Variants in GOSR1 observed in about 807,000 individuals in gnomAD.
GOSR1 encodes golgi SNAP receptor complex member 1, also known as 28 kDa Golgi SNARE protein.
Under a neutral mutation model 35.5 loss-of-function variants are expected in GOSR1, and 21 were observed. The ratio of observed to expected loss-of-function variants is 0.59; its 90% CI spans 0.42 to 0.85. GOSR1 has a LOEUF of 0.85. Ranked by LOEUF, GOSR1 falls within the 40% of genes least tolerant of loss-of-function variation. GOSR1 has a pLI of 0.00. For synonymous variants in GOSR1, 94 were observed against 106.6 expected (o/e 0.88, Z 0.73); for missense variants, 285 against 309.6 (o/e 0.92, Z 0.60).
At chr17:30,482,391 G>A (rs1297525459) in intron 2 of GOSR1, among the ~76,000 whole-genome samples, 1 of 152,164 alleles carries the variant, frequency 6.6e-6, no homozygotes, top group Admixed American at 6.5e-5. Context: ...TGACATAAGA[G>A]TGTTCATTAT....
intron 7 of GOSR1, among the ~76,000 whole-genome samples, chr17:30,514,840 A>G (rs1325292738): frequency 6.6e-6 from 1 of 152,070 alleles, no homozygotes; most frequent in South Asian, 2.1e-4. Flanking sequence ...TCTCCTTCCA[A>G]TTCTTCTATT....
intron 8 of GOSR1, 31 bp downstream of exon 8, chr17:30,520,052 T>C: frequency 7.1e-7 from 1 of 1,408,592 alleles, no homozygotes; most frequent in Non-Finnish European, 1.0e-6. Flanking sequence ...CAGTCTGTGT[T>C]TTGAGGGTAG....
rs189832220 is a variant in GOSR1, at chr17:30,508,323, A to G, written c.510-2557A>G. Among the ~76,000 whole-genome samples, 357 of 152,266 alleles carry G rather than the reference A, an allele frequency of 2.3e-3. 3 individuals are homozygous for G. The highest frequency in any genetic ancestry group is 2.4e-4 in the Non-Finnish European group (16 of 68,022). ...TAGTTTGTTGATTTGGGCAATATAA[A>G]TCTTTATGTTCATATTATACTTCCT... On this transcript the variant is annotated intron_variant, in intron 6 of 8. Coordinates refer to ENST00000451249, the MANE Select transcript of GOSR1 (RefSeq NM_001007025.2).
rs575506107 is a variant in GOSR1 at position 30,514,034 on chromosome 17, C to A, written c.539+3125C>A. Among the ~76,000 whole-genome samples, 376 of 152,332 alleles carry A rather than the reference C, an allele frequency of 2.5e-3. 1 individual carries two copies. Among genetic ancestry groups the A allele is most frequent in the African/African-American group, 8.7e-3 (362 of 41,574 alleles). The stretch of plus-strand genomic sequence containing the variant: ...TATACAAGACCATAGTATCTACTTG[C>A]AATACCTTGTAAACTTTTCTACAAA... On this transcript the variant is annotated intron_variant, in intron 7 of 8. Transcript: ENST00000451249.
chr17:30,505,372 C>A (rs1385438556), intron 6 of GOSR1, among the ~76,000 whole-genome samples: 2 of 152,040 alleles, frequency 1.3e-5, no homozygotes, highest in Admixed American at 6.6e-5. Context: ...AGCACTCCAG[C>A]CTGGGTGACA....
At chr17:30,491,010 A>G (rs1364722459) in intron 5 of GOSR1, among the ~76,000 whole-genome samples, 2 of 152,224 alleles carry the variant, frequency 1.3e-5, no homozygotes, top group African/African-American at 4.8e-5. Context: ...GGTAAACTGT[A>G]TATTATGTGT....
intron 6 of GOSR1, among the ~76,000 whole-genome samples, chr17:30,506,949 C>T (rs543835593): frequency 2.0e-5 from 3 of 152,292 alleles, no homozygotes; most frequent in African/African-American, 7.2e-5. Context: ...CATCTGTTTA[C>T]CACATGGTTT....
In GOSR1 at chr17:30,477,483, C is replaced by G. The variant is rs1202929841; in HGVS notation, c.31+19C>G. 3 of 1,605,308 alleles carry G rather than the reference C, an allele frequency of 1.9e-6. No individual in the cohort carries two copies. The African/African-American group carries it at 4.0e-5, about 21-fold the overall frequency. On this transcript the variant is annotated intron_variant, in intron 1 of 8. Coordinates refer to ENST00000451249, the MANE Select transcript of GOSR1 (RefSeq NM_001007025.2). ...TGGGAAGGTGAGGGCGAGAAGGCCT[C>G]CGGGTGCGTCCTACGAGGGTGAGAG...
intron 6 of GOSR1, among the ~76,000 whole-genome samples, chr17:30,499,809 C>G (rs553592518): frequency 5.9e-5 from 9 of 152,298 alleles, no homozygotes; most frequent in African/African-American, 1.9e-4. Flanking sequence ...CTTGCCAACA[C>G]GCCTTTCTAT....
intron 2 of GOSR1, among the ~76,000 whole-genome samples, chr17:30,483,602 A>G (rs932460393): frequency 6.6e-6 from 1 of 152,238 alleles, no homozygotes; most frequent in Non-Finnish European, 1.5e-5. Flanking sequence ...ATTGGAGACT[A>G]TAGTCATTGC....
At chr17:30,519,149 CT>C (rs1967932331) in intron 7 of GOSR1, among the ~76,000 whole-genome samples, 1 of 152,136 alleles carries the variant, frequency 6.6e-6, no homozygotes, top group Non-Finnish European at 1.5e-5. Flanking sequence ...TAGCCCCCCC[CT>C]CCTGGGCTCA....
rs200557308 is a variant in GOSR1 at position 30,518,960 on chromosome 17, CA to C, written c.540-972del. Among the ~76,000 whole-genome samples, 760 of 151,772 alleles carry C rather than the reference CA, an allele frequency of 5.0e-3. 8 individuals carry two copies. Among genetic ancestry groups the C allele is most frequent in the African/African-American group, 0.017 (716 of 41,368 alleles). ...CTGTCCCCCAACCCCCAACCCCCCC[CA>C]AAAAAAGGATATTAACTCAAGAGAT... On this transcript the variant is annotated intron_variant, in intron 7 of 8. Transcript: ENST00000451249.
At chr17:30,500,967 G>A (rs914790142) in intron 6 of GOSR1, among the ~76,000 whole-genome samples, 8 of 148,290 alleles carry the variant, frequency 5.4e-5, no homozygotes, top group Middle Eastern at 3.5e-3. Context: ...TGCAAGCTCC[G>A]CCTCCCGGGT....
intron 6 of GOSR1, among the ~76,000 whole-genome samples, chr17:30,506,988 C>CCTACT (rs1399353040): frequency 6.6e-6 from 1 of 152,142 alleles, no homozygotes; most frequent in East Asian, 1.9e-4. Flanking sequence ...ACTCTGGAGA[C>CCTACT]CTACTGCTCA....
chr17:30,493,922 G>A (rs930948919), intron 6 of GOSR1, among the ~76,000 whole-genome samples: 15 of 151,888 alleles, frequency 9.9e-5, no homozygotes, highest in Non-Finnish European at 7.4e-5. Context: ...GTGTGTATCC[G>A]TCATGATTTC....
chr17:30,485,705 A>G (rs971302369), intron 4 of GOSR1, among the ~76,000 whole-genome samples: 3 of 152,234 alleles, frequency 2.0e-5, no homozygotes, highest in Non-Finnish European at 4.4e-5. Flanking sequence ...AACTATTTCT[A>G]ATTTTAAAAA....
intron 7 of GOSR1, among the ~76,000 whole-genome samples, chr17:30,517,217 G>A (rs1216671270): frequency 6.6e-6 from 1 of 152,068 alleles, no homozygotes; most frequent in Non-Finnish European, 1.5e-5. Context: ...TATTATCGAA[G>A]TACATTTGTA....
chr17:30,498,918 T>G (rs1967098644), intron 6 of GOSR1, among the ~76,000 whole-genome samples: 1 of 152,220 alleles, frequency 6.6e-6, no homozygotes, highest in Non-Finnish European at 1.5e-5. Flanking sequence ...TGGTACGTTT[T>G]AACAAATATA....
At chr17:30,496,294 A>G (rs1217831588) in intron 6 of GOSR1, among the ~76,000 whole-genome samples, 3 of 152,108 alleles carry the variant, frequency 2.0e-5, no homozygotes, top group Non-Finnish European at 4.4e-5. Flanking sequence ...GCTTTAGCCC[A>G]TTGACTTCTT....
Sources: allele counts gnomAD v4.1 joint callset (sites outside exome capture counted in the v4.1 genomes callset), GRCh38; gene constraint gnomAD v4.1.1; transcripts MANE v1.5; gene names NCBI Gene and HGNC (gene_info 2026-07-23, HGNC 2026-07-21).